Variants in CKAP5 observed in about 807,000 individuals in gnomAD.
The protein encoded by CKAP5 is cytoskeleton-associated protein 5.
Under a neutral mutation model 232.8 loss-of-function variants are expected in CKAP5, and 27 were observed. The observed-to-expected ratio is 0.12, with a 90% CI of 0.09 to 0.16. CKAP5 has a LOEUF of 0.16. Ranked by LOEUF, CKAP5 falls within the 10% of genes least tolerant of loss-of-function variation. The probability of loss-of-function intolerance (pLI) is 1.00; values close to 1 mark genes in which losing one functional copy is unlikely to be tolerated. For synonymous variants in CKAP5, 785 were observed against 841.1 expected (o/e 0.93, Z 1.16); for missense variants, 1,838 against 2,424.7 (o/e 0.76, Z 5.08).
chr11:46,845,477 A>C (rs992797794), intron 1 of CKAP5, among the ~76,000 whole-genome samples: 1 of 152,218 alleles, frequency 6.6e-6, no homozygotes, highest in Non-Finnish European at 1.5e-5. Context: ...ACACAACGGA[A>C]TGCATTTCAA....
At chr11:46,791,509 A>G (rs1200729886) in intron 13 of CKAP5, among the ~76,000 whole-genome samples, 1 of 151,942 alleles carries the variant, frequency 6.6e-6, no homozygotes, top group East Asian at 1.9e-4. Context: ...CCATCTCTAC[A>G]AAAAATACAA....
intron 43 of CKAP5, 44 bp downstream of exon 43, chr11:46,744,382 T>A: frequency 6.2e-7 from 1 of 1,613,714 alleles, no homozygotes; most frequent in Non-Finnish European, 8.5e-7. Context: ...CGGACCTGCT[T>A]GTGACTACCC....
intron 24 of CKAP5, among the ~76,000 whole-genome samples, chr11:46,771,711 GCTA>G (rs1322518037): frequency 6.6e-6 from 1 of 152,092 alleles, no homozygotes; most frequent in Non-Finnish European, 1.5e-5. Context: ...CCAGTTTTTG[GCTA>G]CTATGATTGA....
chr11:46,793,534 C>T (rs1938791290), intron 13 of CKAP5, among the ~76,000 whole-genome samples: 1 of 152,258 alleles, frequency 6.6e-6, no homozygotes, highest in African/African-American at 2.4e-5. Context: ...TCGGCATTAT[C>T]AGTAAAATGA....
intron 1 of CKAP5, among the ~76,000 whole-genome samples, chr11:46,836,133 C>T (rs970383501): frequency 7.2e-5 from 11 of 152,154 alleles, no homozygotes; most frequent in African/African-American, 1.9e-4. Flanking sequence ...GAGATGACCA[C>T]GAAGTGCAAT....
chr11:46,748,698 G>A (rs966558293), intron 42 of CKAP5, among the ~76,000 whole-genome samples: 1 of 152,020 alleles, frequency 6.6e-6, no homozygotes, highest in Non-Finnish European at 1.5e-5. Context: ...AAACCCGGGA[G>A]GTGGAGGTTG....
In CKAP5 at chr11:46,763,103, T is replaced by C; in HGVS notation, c.3764A>G (p.Asp1255Gly). 6.2e-7 allele frequency: 1 copy of C among 1,613,782 alleles called. No individual in the cohort carries two copies. Among genetic ancestry groups the C allele is most frequent in the Non-Finnish European group, 8.5e-7 (1 of 1,179,762 alleles). ...TTTCATCAGGACGCTTGTATTGGTGTCAAAAAACCTCAGGGTAAGCCACTT... is the reference window on the plus strand; with the variant it reads ...TTTCATCAGGACGCTTGTATTGGTGCCAAAAAACCTCAGGGTAAGCCACTT... The part of the protein sequence containing the change: ...ILKWLTLRFF[D>G]TNTSVLMKAL... The change falls in exon 30 of 44, where the codon GAC becomes GGC. Residue 1255 changes from aspartate (D) to glycine (G), a missense_variant. Transcript: ENST00000529230.
chr11:46,746,018 C>A (rs1335652218), intron 42 of CKAP5, among the ~76,000 whole-genome samples: 3 of 151,920 alleles, frequency 2.0e-5, no homozygotes, highest in Non-Finnish European at 2.9e-5. Context: ...GTGTCAAAAA[C>A]AAAAAAGAAC....
In CKAP5 at chr11:46,743,929, T is replaced by G; in HGVS notation, c.*94A>C. Reference sequence around the variant, plus strand: ...CCACGGCATGATACATACAACCAGTTTGTATACACTAGGCCTGCTGAGGCC... The same window carrying G: ...CCACGGCATGATACATACAACCAGTGTGTATACACTAGGCCTGCTGAGGCC... On this transcript the variant is annotated 3_prime_UTR_variant, in exon 44 of 44. Coordinates refer to ENST00000529230, the MANE Select transcript of CKAP5 (RefSeq NM_001008938.4). The G allele has an allele frequency of 6.7e-7, 1 of 1,502,654 alleles. No homozygotes were observed. The highest frequency in any genetic ancestry group is 1.4e-5 in the African/African-American group (1 of 72,518). The allele number at this position is 1,502,654 out of a possible 1,614,324, so 93.1% of individuals were successfully genotyped here.
At position 46,778,217 on chromosome 11, in the gene CKAP5, G is replaced by C; in HGVS notation, c.2670C>G (p.Asp890Glu). ...CTATATTCGGTTGGATAAATTTTGCGTCATTAATAATACCTGCCACTTCAT... is the reference window on the plus strand; with the variant it reads ...CTATATTCGGTTGGATAAATTTTGCCTCATTAATAATACCTGCCACTTCAT... ...GLDEVAGIIN[D>E]AKFIQPNIGE... The change falls in exon 22 of 44, where the codon GAC (aspartate) becomes GAG (glutamate). Residue 890 changes from aspartate (D) to glutamate (E), a missense_variant. Physicochemically the swap from Asp to Glu is conservative, Grantham distance 45 (BLOSUM62 2). This residue lies in a region of CKAP5 where 767 missense variants were observed against 954.6 expected (regional missense o/e 0.80). Coordinates refer to ENST00000529230, the MANE Select transcript of CKAP5 (RefSeq NM_001008938.4). The C allele has an allele frequency of 6.2e-7, 1 of 1,613,880 alleles. No homozygotes were observed. The highest frequency in any genetic ancestry group is 2.2e-5 in the East Asian group (1 of 44,866).
rs578063924 is a variant in CKAP5 at position 46,766,846 on chromosome 11, G to T, written c.3411+729C>A. ...GTCCAACTCTCCATGAATATTGAAA[G>T]AATTGCTGATGCATCAAAATAAATC... On this transcript the variant is annotated intron_variant, in intron 27 of 43. Coordinates refer to ENST00000529230, the MANE Select transcript of CKAP5 (RefSeq NM_001008938.4). Among the ~76,000 whole-genome samples the T allele has an allele frequency of 7.9e-5, 12 of 152,254 alleles. No homozygotes were observed. In the East Asian group the frequency reaches 2.3e-3, roughly 29 times the overall value.
chr11:46,826,950 A>T (rs1939672044), intron 1 of CKAP5: 1 of 152,752 alleles, frequency 6.5e-6, no homozygotes, highest in East Asian at 1.9e-4. Context: ...CTCTCCGCAC[A>T]CTCTGAAAGC....
chr11:46,752,189 TATATACACACAC>T (rs2065071277), intron 38 of CKAP5, among the ~76,000 whole-genome samples: 1 of 64,380 alleles, frequency 1.6e-5, no homozygotes, highest in Non-Finnish European at 3.5e-5. Context: ...TATATATATA[TATATACACACAC>T]ACACACACAC....
intron 32 of CKAP5, 115 bp from the exon 33 acceptor site, chr11:46,760,899 T>C: frequency 1.1e-6 from 1 of 925,556 alleles, no homozygotes; most frequent in African/African-American, 1.7e-5. Context: ...AGCACCACAT[T>C]TCAAAATCAA....
chr11:46,748,668 C>T (rs2065039888), intron 42 of CKAP5, among the ~76,000 whole-genome samples: 1 of 151,970 alleles, frequency 6.6e-6, no homozygotes, highest in Non-Finnish European at 1.5e-5. Context: ...ACTCGGGAGG[C>T]TGAGGCAGGA....
At chr11:46,818,127 TC>T (rs1939445747) in intron 3 of CKAP5, among the ~76,000 whole-genome samples, 182 bp downstream of exon 3, 1 of 152,184 alleles carries the variant, frequency 6.6e-6, no homozygotes, top group South Asian at 2.1e-4. Context: ...TCTACAGATC[TC>T]ATGTGCCATT....
At chr11:46,816,075 ACC>A (rs59649961) in intron 4 of CKAP5, 121 bp downstream of exon 4, 15 of 727,050 alleles carry the variant, frequency 2.1e-5, no homozygotes, top group African/African-American at 1.1e-4. Context: ...TCTCAAAACG[ACC>A]CCCCCATCCC....
chr11:46,801,336 A>G, intron 8 of CKAP5, 32 bp from the exon 9 acceptor site: 2 of 1,496,794 alleles, frequency 1.3e-6, no homozygotes, highest in East Asian at 2.3e-5. Flanking sequence ...AAAACAAAAT[A>G]GTCACAGCCA....
intron 40 of CKAP5, among the ~76,000 whole-genome samples, chr11:46,750,860 G>A (rs1339755583): frequency 6.6e-6 from 1 of 152,180 alleles, no homozygotes; most frequent in Admixed American, 6.5e-5. Context: ...TCCATGTTAA[G>A]CAGAACTAGC....
Sources: gnomAD v4.1 joint callset for allele counts (sites outside exome capture counted in the v4.1 genomes callset) on GRCh38, gnomAD v4.1.1 for gene constraint, gnomAD v4.1.1 regional missense constraint, MANE v1.5 for transcripts, NCBI Gene and HGNC (gene_info 2026-07-23, HGNC 2026-07-21) for gene names.